The following MEMO1 variants were observed in gnomAD, a reference collection of about 807,000 sequenced individuals.
MEMO1 encodes mediator of cell motility 1.
A neutral mutation model predicts 45.2 loss-of-function variants in MEMO1; 6 were observed. The ratio of observed to expected loss-of-function variants is 0.13; its 90% confidence interval spans 0.07 to 0.26. MEMO1 has a LOEUF of 0.26. Ranked by LOEUF, MEMO1 falls within the 10% of genes least tolerant of loss-of-function variation. MEMO1 has a pLI of 1.00. For synonymous variants in MEMO1, 78 were observed against 124.3 expected (o/e 0.63, Z 2.48); for missense variants, 184 against 370.5 (o/e 0.50, Z 4.13).
chr2:31,933,346 A>T (rs1324685956), intron 3 of MEMO1, among the ~76,000 whole-genome samples: 436 of 25,434 alleles, frequency 0.017, 15 homozygotes, highest in African/African-American at 0.066. Context: ...AAAAAAAAAA[A>T]AAATTTATAT....
intron 2 of MEMO1, among the ~76,000 whole-genome samples, chr2:31,990,571 CTTTTT>C (rs34456440): frequency 8.3e-6 from 1 of 119,994 alleles, no homozygotes; most frequent in Non-Finnish European, 1.8e-5. Context: ...AATTTTTTTT[CTTTTT>C]TTTTTTTTTT....
chr2:32,000,864 C>G (rs1270612278), intron 2 of MEMO1, among the ~76,000 whole-genome samples: 1 of 151,748 alleles, frequency 6.6e-6, no homozygotes, highest in East Asian at 1.9e-4. Flanking sequence ...CTTTATCCAT[C>G]ATCTGTCCCC....
intron 2 of MEMO1, among the ~76,000 whole-genome samples, chr2:31,984,112 G>T (rs1277470767): frequency 6.6e-6 from 1 of 152,202 alleles, no homozygotes; most frequent in Admixed American, 6.5e-5. Flanking sequence ...TCCAAAGTGT[G>T]GGTTGGACTT....
intron 2 of MEMO1, among the ~76,000 whole-genome samples, chr2:31,984,467 G>C (rs1405774266): frequency 6.6e-6 from 1 of 152,110 alleles, no homozygotes; most frequent in Non-Finnish European, 1.5e-5. Flanking sequence ...CTAAAGACAG[G>C]CTCACTAAAC....
At chr2:31,903,970 C>T (rs1558490822) in intron 6 of MEMO1, among the ~76,000 whole-genome samples, 1 of 152,122 alleles carries the variant, frequency 6.6e-6, no homozygotes, top group Non-Finnish European at 1.5e-5. Flanking sequence ...TTCTCTATTT[C>T]TAACATTTGA....
chr2:31,885,409 C>G (rs1019179116), intron 7 of MEMO1, among the ~76,000 whole-genome samples: 3 of 152,202 alleles, frequency 2.0e-5, no homozygotes, highest in African/African-American at 7.2e-5. Flanking sequence ...CGTGAGCCAC[C>G]ACACCCAGCC....
At chr2:31,967,414 G>A (rs553518404) in intron 2 of MEMO1, among the ~76,000 whole-genome samples, 4 of 151,896 alleles carry the variant, frequency 2.6e-5, no homozygotes, top group South Asian at 2.1e-4. Context: ...GTGAGCCACC[G>A]CGCCCGGCCA....
chr2:32,010,071 G>C (rs1674659688), intron 2 of MEMO1, 116 bp downstream of exon 2: 2 of 373,438 alleles, frequency 5.4e-6, no homozygotes, highest in Non-Finnish European at 7.3e-6. Flanking sequence ...CCGGCGGCCC[G>C]TCCGCGCCCT....
chr2:31,975,610 T>C (rs1235342806), intron 2 of MEMO1, among the ~76,000 whole-genome samples: 2 of 152,200 alleles, frequency 1.3e-5, no homozygotes, highest in Admixed American at 6.5e-5. Flanking sequence ...CAGAACACTT[T>C]AATGATGAGC....
intron 2 of MEMO1, among the ~76,000 whole-genome samples, chr2:31,994,878 G>A (rs905072780): frequency 6.6e-6 from 1 of 151,726 alleles, no homozygotes; most frequent in African/African-American, 2.4e-5. Flanking sequence ...AGCCCTGGAG[G>A]TCGAGGCTGC....
At chr2:31,954,624 G>A (rs1014012208) in intron 2 of MEMO1, among the ~76,000 whole-genome samples, 1 of 152,064 alleles carries the variant, frequency 6.6e-6, no homozygotes, top group Non-Finnish European at 1.5e-5. Context: ...TCTGAAGTCA[G>A]GAGTTCAAAA....
chr2:31,899,867 A>C (rs1428629310), intron 6 of MEMO1, among the ~76,000 whole-genome samples: 1 of 152,258 alleles, frequency 6.6e-6, no homozygotes, highest in Non-Finnish European at 1.5e-5. Flanking sequence ...AAAGTAGGCT[A>C]AAGATATGAA....
intron 8 of MEMO1, among the ~76,000 whole-genome samples, chr2:31,876,462 C>A (rs1381119456): frequency 6.6e-6 from 1 of 152,136 alleles, no homozygotes; most frequent in Non-Finnish European, 1.5e-5. Flanking sequence ...TATTTCCTTA[C>A]CTTTTAAAAT....
At chr2:31,923,546 C>A in intron 4 of MEMO1, 1 of 1,308,672 alleles carries the variant, frequency 7.6e-7, no homozygotes, top group Non-Finnish European at 1.0e-6. Context: ...TAACATGACA[C>A]TTTGTTTTAA....
chr2:31,942,269 A>G (rs994995645), intron 3 of MEMO1, among the ~76,000 whole-genome samples: 2 of 152,150 alleles, frequency 1.3e-5, no homozygotes, highest in African/African-American at 4.8e-5. Context: ...CTCAAAAATT[A>G]AGTTGCTATT....
chr2:31,923,776 C>T (rs965766664), intron 4 of MEMO1: 2 of 1,510,074 alleles, frequency 1.3e-6, no homozygotes, highest in African/African-American at 2.8e-5. Flanking sequence ...TTTAAAATAA[C>T]AATCTAAATT....
chr2:31,924,782 T>C (rs1359456888), intron 4 of MEMO1, among the ~76,000 whole-genome samples: 3 of 152,230 alleles, frequency 2.0e-5, no homozygotes, highest in Admixed American at 6.5e-5. Flanking sequence ...CTGAAAAATA[T>C]GTATCAAAAT....
intron 2 of MEMO1, among the ~76,000 whole-genome samples, chr2:31,977,063 G>C (rs1004610849): frequency 6.6e-6 from 1 of 152,048 alleles, no homozygotes; most frequent in Non-Finnish European, 1.5e-5. Flanking sequence ...TCAGAAGAAG[G>C]AAAATGTTGG....
chr2:31,891,616 C>T (rs913313235), intron 7 of MEMO1, among the ~76,000 whole-genome samples: 5 of 151,816 alleles, frequency 3.3e-5, no homozygotes, highest in African/African-American at 9.7e-5. Flanking sequence ...GCACAGCACA[C>T]AGTGCTCTTC....
Sources: gnomAD v4.1 joint callset for allele counts (sites outside exome capture counted in the v4.1 genomes callset) on GRCh38, gnomAD v4.1.1 for gene constraint, MANE v1.5 for transcripts, NCBI Gene and HGNC (gene_info 2026-07-23, HGNC 2026-07-21) for gene names.